The following CMSS1 variants were observed in gnomAD, a reference collection of about 807,000 sequenced individuals.
CMSS1 encodes cms1 ribosomal small subunit homolog, also known as protein CMSS1.
Under a neutral mutation model 43.5 loss-of-function variants are expected in CMSS1, and 33 were observed. The ratio of observed to expected loss-of-function variants is 0.76; its 90% CI spans 0.57 to 1.01. The LOEUF is 1.01. Ranked by LOEUF, CMSS1 falls within the 50% of genes least tolerant of loss-of-function variation. CMSS1 has a pLI of 0.00. For synonymous variants in CMSS1, 115 were observed against 117.2 expected, an observed-to-expected ratio of 0.98 and a Z score of 0.12; for missense variants, 313 against 326.4, an observed-to-expected ratio of 0.96 and a Z score of 0.32.
At chr3:99,919,766 A>G (rs1026942492) in intron 1 of CMSS1, among the ~76,000 whole-genome samples, 1 of 152,196 alleles carries the variant, frequency 6.6e-6, no homozygotes, top group African/African-American at 2.4e-5. Context: ...ATACTTGTTT[A>G]TAAAGTTGTT....
chr3:100,111,908 A>G (rs1187264541), intron 1 of CMSS1, among the ~76,000 whole-genome samples: 1 of 152,226 alleles, frequency 6.6e-6, no homozygotes, highest in Non-Finnish European at 1.5e-5. Flanking sequence ...GTTGAACAAC[A>G]TGCACAATAC....
At chr3:100,066,339 C>A (rs2065662554) in intron 1 of CMSS1, among the ~76,000 whole-genome samples, 1 of 152,072 alleles carries the variant, frequency 6.6e-6, no homozygotes, top group African/African-American at 2.4e-5. Flanking sequence ...GACAGTTACA[C>A]TTTTTTATTT....
At chr3:100,090,502 C>A (rs530963230) in intron 1 of CMSS1, among the ~76,000 whole-genome samples, 1 of 152,146 alleles carries the variant, frequency 6.6e-6, no homozygotes, top group South Asian at 2.1e-4. Context: ...CAAAACCAGG[C>A]GACAGAGATG....
intron 1 of CMSS1, among the ~76,000 whole-genome samples, chr3:100,070,851 G>A (rs775260618): frequency 2.6e-5 from 4 of 152,196 alleles, no homozygotes; most frequent in East Asian, 3.9e-4. Flanking sequence ...GGATATTCAC[G>A]AACTCCTGAC....
chr3:100,049,046 A>G (rs1157919954), intron 1 of CMSS1, among the ~76,000 whole-genome samples: 2 of 152,212 alleles, frequency 1.3e-5, no homozygotes, highest in South Asian at 2.1e-4. Flanking sequence ...TAAAATTTTT[A>G]TGCCAGAAAC....
chr3:100,103,865 T>C (rs1010064095), intron 1 of CMSS1, among the ~76,000 whole-genome samples: 22 of 152,230 alleles, frequency 1.4e-4, no homozygotes, highest in African/African-American at 5.3e-4. Context: ...GGCAGCATTA[T>C]CAATGAACAG....
At chr3:100,041,938 C>T (rs1255846691) in intron 1 of CMSS1, among the ~76,000 whole-genome samples, 7 of 152,152 alleles carry the variant, frequency 4.6e-5, no homozygotes, top group African/African-American at 1.4e-4. Flanking sequence ...ACAGGCTGCA[C>T]CTCAGGAACA....
At chr3:99,980,714 C>T (rs896484331) in intron 1 of CMSS1, among the ~76,000 whole-genome samples, 2 of 152,162 alleles carry the variant, frequency 1.3e-5, no homozygotes, top group Non-Finnish European at 2.9e-5. Context: ...AGAGCTTGCA[C>T]CCTGCCTAGC....
At chr3:100,014,895 C>CTTTTTTTTTTTTTTTTTTTTT (rs1233573719) in intron 1 of CMSS1, among the ~76,000 whole-genome samples, 51 of 25,010 alleles carry the variant, frequency 2.0e-3, no homozygotes, top group Non-Finnish European at 2.6e-3. Context: ...TTCTTTCTTT[C>CTTTTTTTTTTTTTTTTTTTTT]TTTTTTTTTT....
At chr3:99,988,424 A>C (rs1372013851) in intron 1 of CMSS1, among the ~76,000 whole-genome samples, 1 of 149,198 alleles carries the variant, frequency 6.7e-6, no homozygotes, top group East Asian at 2.0e-4. Context: ...AGACAGGAGA[A>C]TCGCTTGAAT....
chr3:100,034,955 A>C (rs924407160), intron 1 of CMSS1, among the ~76,000 whole-genome samples: 2 of 152,194 alleles, frequency 1.3e-5, no homozygotes, highest in South Asian at 4.1e-4. Context: ...TTTAAGTATC[A>C]AAAAACAACT....
intron 2 of CMSS1, among the ~76,000 whole-genome samples, chr3:100,147,614 T>C (rs1006902929): frequency 6.6e-6 from 1 of 152,130 alleles, no homozygotes; most frequent in Non-Finnish European, 1.5e-5. Flanking sequence ...CACAATAATA[T>C]CTTAGATTCT....
At chr3:99,951,534 G>C (rs1312512159) in intron 1 of CMSS1, among the ~76,000 whole-genome samples, 2 of 152,150 alleles carry the variant, frequency 1.3e-5, no homozygotes, top group Non-Finnish European at 2.9e-5. Context: ...ACCTAGTAGA[G>C]CTCATGTATT....
chr3:99,991,871 T>C (rs1205852541), intron 1 of CMSS1, among the ~76,000 whole-genome samples: 10 of 149,958 alleles, frequency 6.7e-5, no homozygotes, highest in Non-Finnish European at 7.4e-5. Context: ...TGTATATATA[T>C]ACACACATAT....
At chr3:100,097,084 C>A (rs538310442) in intron 1 of CMSS1, among the ~76,000 whole-genome samples, 2 of 152,258 alleles carry the variant, frequency 1.3e-5, no homozygotes, top group East Asian at 3.9e-4. Flanking sequence ...TGTCATTACT[C>A]CACTTCCTGT....
At chr3:99,988,353 A>G (rs1228029621) in intron 1 of CMSS1, among the ~76,000 whole-genome samples, 1 of 149,944 alleles carries the variant, frequency 6.7e-6, no homozygotes, top group Non-Finnish European at 1.5e-5. Flanking sequence ...AAAAAAAAAA[A>G]AAAAAAAAAA....
intron 1 of CMSS1, among the ~76,000 whole-genome samples, chr3:99,932,925 T>A (rs1429723751): frequency 6.6e-6 from 1 of 152,168 alleles, no homozygotes; most frequent in African/African-American, 2.4e-5. Context: ...TCAGGTCCAA[T>A]GACCTGATCT....
At chr3:100,141,681 G>A (rs1306904080) in intron 1 of CMSS1, 2 of 405,446 alleles carry the variant, frequency 4.9e-6, no homozygotes, top group East Asian at 7.4e-5. Flanking sequence ...ATTTTCATTT[G>A]CTGTTGTTGC....
chr3:100,102,711 G>A (rs2066330695), intron 1 of CMSS1, among the ~76,000 whole-genome samples: 2 of 152,046 alleles, frequency 1.3e-5, no homozygotes, highest in South Asian at 4.1e-4. Context: ...ATGACCCCAG[G>A]GACACTGTGC....
Sources: gnomAD v4.1 joint callset for allele counts (sites outside exome capture counted in the v4.1 genomes callset) on GRCh38, gnomAD v4.1.1 for gene constraint, MANE v1.5 for transcripts, NCBI Gene and HGNC (gene_info 2026-07-23, HGNC 2026-07-21) for gene names.